The following DGKB variants were observed in gnomAD, a reference collection of about 807,000 sequenced individuals.
DGKB encodes 90 kDa diacylglycerol kinase.
DGKB carries 67 observed loss-of-function variants against 114.3 expected under a neutral mutation model. The ratio of observed to expected loss-of-function variants is 0.59; its 90% CI spans 0.48 to 0.72. The LOEUF is 0.72. Among genes scored for constraint, DGKB ranks in the 30% least tolerant of loss-of-function variants. DGKB has a pLI of 0.00. For missense variants in DGKB, 907 were observed against 975.2 expected, an observed-to-expected ratio of 0.93 and a Z score of 0.93; for synonymous variants, 398 against 323.1, an observed-to-expected ratio of 1.23 and a Z score of -2.49.
intron 23 of DGKB, among the ~76,000 whole-genome samples, chr7:14,319,616 T>C (rs1289873690): frequency 1.3e-5 from 2 of 152,138 alleles, no homozygotes; most frequent in Non-Finnish European, 2.9e-5. Flanking sequence ...AGACTAAAAG[T>C]TTGAGAACCA....
In DGKB at chr7:14,658,988, G is replaced by T. The variant is rs1182059389; in HGVS notation, c.1134+13941C>A. On this transcript the variant is annotated intron_variant, in intron 13 of 25. Coordinates refer to ENST00000402815, the MANE Select transcript of DGKB (RefSeq NM_001350709.2). The stretch of plus-strand genomic sequence containing the variant: ...TCCACAGGTATACATGTGCCATGGT[G>T]GTTTGCTGCACCTATCAACCCATCA... Among the ~76,000 whole-genome samples, 4 of 151,884 alleles carry T rather than the reference G, an allele frequency of 2.6e-5. No individual in the cohort carries two copies. In the East Asian group the frequency reaches 7.8e-4, roughly 30 times the overall value.
At chr7:14,233,700 T>G (rs1281977843) in intron 23 of DGKB, among the ~76,000 whole-genome samples, 2 of 151,956 alleles carry the variant, frequency 1.3e-5, no homozygotes, top group Admixed American at 6.6e-5. Context: ...GGCGGACAGG[T>G]AGTCCAAGAG....
chr7:14,617,443 C>A (rs1806755416), intron 15 of DGKB, among the ~76,000 whole-genome samples: 1 of 151,576 alleles, frequency 6.6e-6, no homozygotes, highest in Non-Finnish European at 1.5e-5. Context: ...CCCATCACAT[C>A]TCTCTACTTC....
chr7:14,376,698 T>C (rs1377740168), intron 21 of DGKB, among the ~76,000 whole-genome samples: 1 of 152,176 alleles, frequency 6.6e-6, no homozygotes, highest in Non-Finnish European at 1.5e-5. Flanking sequence ...GCCCCTTCAG[T>C]AGCACATGTG....
chr7:14,377,483 C>G (rs1223583645), intron 21 of DGKB, among the ~76,000 whole-genome samples: 1 of 152,120 alleles, frequency 6.6e-6, no homozygotes, highest in African/African-American at 2.4e-5. Context: ...TATGGACTTT[C>G]TTTTCTTGAG....
chr7:14,648,299 A>G (rs1303722710), intron 13 of DGKB, among the ~76,000 whole-genome samples: 2 of 152,194 alleles, frequency 1.3e-5, no homozygotes, highest in Non-Finnish European at 2.9e-5. Context: ...TGGAGATCTG[A>G]GAACGGGCAG....
intron 25 of DGKB, among the ~76,000 whole-genome samples, 185 bp from the exon 26 acceptor site, chr7:14,149,423 T>A (rs115676517): frequency 6.6e-6 from 1 of 152,164 alleles, no homozygotes; most frequent in Admixed American, 6.6e-5. Context: ...GATAGGGATA[T>A]GTACTTAAAT....
At chr7:14,776,714 G>A (rs866641493) in intron 2 of DGKB, among the ~76,000 whole-genome samples, 1 of 152,262 alleles carries the variant, frequency 6.6e-6, no homozygotes. Context: ...GTCTGCTGCA[G>A]AGCCAGAGCC....
intron 21 of DGKB, among the ~76,000 whole-genome samples, chr7:14,432,270 T>G (rs1828560190): frequency 6.6e-6 from 1 of 152,158 alleles, no homozygotes; most frequent in African/African-American, 2.4e-5. Context: ...AAGGGATTTT[T>G]TACCTTGAGT....
chr7:14,958,462 CA>C (rs1206769402), intron 1 of DGKB, among the ~76,000 whole-genome samples: 1 of 151,432 alleles, frequency 6.6e-6, no homozygotes. Context: ...CACACACACA[CA>C]CACACACACA....
chr7:14,506,460 T>C (rs1787083087), intron 20 of DGKB, among the ~76,000 whole-genome samples: 1 of 152,222 alleles, frequency 6.6e-6, no homozygotes, highest in Admixed American at 6.5e-5. Flanking sequence ...ATAAAGTTTC[T>C]GTACACTGGC....
At chr7:14,646,779 A>AG (rs2128886999) in intron 13 of DGKB, among the ~76,000 whole-genome samples, 1 of 151,952 alleles carries the variant, frequency 6.6e-6, no homozygotes. Flanking sequence ...AGTAAAAAAA[A>AG]TTCTTGAAGA....
At position 14,718,638 on chromosome 7, in the gene DGKB, GAGA is replaced by G; in HGVS notation, c.367_369del (p.Ser123del). The G allele has an allele frequency of 6.2e-7, 1 of 1,612,418 alleles. No individual in the cohort carries two copies. Among genetic ancestry groups the G allele is most frequent in the South Asian group, 1.1e-5 (1 of 90,956 alleles). On this transcript the variant is annotated inframe_deletion, in exon 6 of 26. Coordinates refer to ENST00000402815, the MANE Select transcript of DGKB (RefSeq NM_001350709.2). ...ACTTCTGGGGAACACGTATTTGCAG[GAGA>G]AGTAGTCCGGGGAGGGGTGATGGCA... is the stretch of plus-strand genomic sequence containing the variant.
At chr7:14,178,280 A>G in intron 23 of DGKB, 129 bp from the exon 24 acceptor site, 1 of 944,160 alleles carries the variant, frequency 1.1e-6, no homozygotes, top group South Asian at 1.7e-5. Context: ...TTAGAAACTT[A>G]AAGTAATAAA....
At chr7:14,723,398 G>GGTTTGTTT (rs35832101) in intron 5 of DGKB, among the ~76,000 whole-genome samples, 3 of 151,288 alleles carry the variant, frequency 2.0e-5, no homozygotes, top group African/African-American at 7.3e-5. Flanking sequence ...AAAACAAAAG[G>GGTTTGTTT]GTTTGTTTGT....
intron 20 of DGKB, among the ~76,000 whole-genome samples, chr7:14,520,510 T>C: frequency 6.6e-6 from 1 of 151,978 alleles, no homozygotes; most frequent in East Asian, 1.9e-4. Context: ...GCATAAAGTT[T>C]TGTATGTTAG....
At chr7:14,490,100 T>G (rs1407183915) in intron 20 of DGKB, among the ~76,000 whole-genome samples, 1 of 152,178 alleles carries the variant, frequency 6.6e-6, no homozygotes, top group African/African-American at 2.4e-5. Flanking sequence ...TAATCCCATT[T>G]AATTTCCTTA....
chr7:14,421,492 T>C (rs1826688395), intron 21 of DGKB, among the ~76,000 whole-genome samples: 1 of 152,158 alleles, frequency 6.6e-6, no homozygotes, highest in African/African-American at 2.4e-5. Context: ...CTTATCTTTT[T>C]CTAATCAAAG....
intron 25 of DGKB, among the ~76,000 whole-genome samples, chr7:14,156,359 C>A (rs1416588687): frequency 1.3e-5 from 2 of 152,066 alleles, no homozygotes; most frequent in Non-Finnish European, 2.9e-5. Flanking sequence ...CAAACATGTT[C>A]TGTAAAGGAT....
Sources: gnomAD v4.1 joint callset for allele counts (sites outside exome capture counted in the v4.1 genomes callset) on GRCh38, gnomAD v4.1.1 for gene constraint, MANE v1.5 for transcripts, NCBI Gene and HGNC (gene_info 2026-07-23, HGNC 2026-07-21) for gene names.